Variants in ALOX12 observed in about 807,000 individuals in gnomAD.
The protein encoded by ALOX12 is arachidonate 12-lipoxygenase, 12S type, also known as polyunsaturated fatty acid lipoxygenase ALOX12.
ALOX12 carries 62 observed loss-of-function variants against 85.5 expected under a neutral mutation model. The observed-to-expected ratio is 0.73, with a 90% confidence interval of 0.59 to 0.90. The LOEUF is 0.90. Ranked by LOEUF, ALOX12 falls within the 40% of genes least tolerant of loss-of-function variation. The probability of loss-of-function intolerance (pLI) is 0.00; values close to 1 mark genes in which losing one functional copy is unlikely to be tolerated. For synonymous variants in ALOX12, 299 were observed against 332.7 expected, an observed-to-expected ratio of 0.90 and a Z score of 1.10; for missense variants, 751 against 856.5, an observed-to-expected ratio of 0.88 and a Z score of 1.54.
rs1430247040 is a variant in ALOX12, at chr17:7,005,351, G to A, written c.1248+8G>A. Reference sequence around the variant, plus strand: ...GGAGGAATTTTTGATAAGGTGAGGAGGGTACGGGGCATGGGACTGCCTCAT... The same window carrying A: ...GGAGGAATTTTTGATAAGGTGAGGAAGGTACGGGGCATGGGACTGCCTCAT... On this transcript the variant is annotated splice_region_variant and intron_variant, in intron 9 of 13. Transcript: ENST00000251535. 1.9e-6 allele frequency: 3 copies of A among 1,606,950 alleles called. No individual in the cohort carries two copies. Among genetic ancestry groups the A allele is most frequent in the African/African-American group, 2.7e-5 (2 of 74,836 alleles).
rs1460498427 is a variant in ALOX12, at chr17:7,006,022, T to C, written c.1413T>C (p.Ile471=). 1 of 1,283,122 alleles carries C rather than the reference T, an allele frequency of 7.8e-7. No homozygotes were observed. Among genetic ancestry groups the C allele is most frequent in the Non-Finnish European group, 1.0e-6 (1 of 986,538 alleles). The allele number at this position is 1,283,122 out of a possible 1,614,324, so 79.5% of individuals were successfully genotyped here. A position where few individuals can be genotyped will look rare whatever the true frequency, so the allele number is the denominator to read the frequency against. ...ATGCTTTACGGCTCTGGGAGATCAT[T>C]GCCAGGTGAGTAAGGAGGAGCTGAG... The part of the protein sequence containing the change: ...AHDALRLWEI[I]ARYVEGIVHL... Residue 471 remains isoleucine (I), a synonymous_variant, in exon 10 of 14, where the codon ATT becomes ATC. Transcript: ENST00000251535.
chr17:7,006,781 G>A (rs1333809705), intron 11 of ALOX12, among the ~76,000 whole-genome samples, 174 bp downstream of exon 11: 2 of 151,936 alleles, frequency 1.3e-5, no homozygotes, highest in African/African-American at 2.4e-5. Context: ...GACAATTCTA[G>A]AGACCCAAGG....
intron 8 of ALOX12, chr17:7,002,315 A>G: frequency 2.8e-6 from 1 of 355,146 alleles, no homozygotes. Flanking sequence ...TAAGGTGGAT[A>G]GAGATGTATG....
chr17:6,996,133 A>T lies in ALOX12; in HGVS notation c.16A>T (p.Ile6Phe). The T allele has an allele frequency of 8.0e-7, 1 of 1,252,154 alleles. No homozygotes were observed. Among genetic ancestry groups the T allele is most frequent in the Non-Finnish European group, 1.0e-6 (1 of 991,472 alleles). The allele number at this position is 1,252,154 out of a possible 1,614,324, so 77.6% of individuals were successfully genotyped here. MGRYR[I>F]RVATGAWLFS... ...GGGGGGCGCCATGGGCCGCTACCGCATCCGCGTGGCCACCGGGGCCTGGCT... is the reference window on the plus strand; with the variant it reads ...GGGGGGCGCCATGGGCCGCTACCGCTTCCGCGTGGCCACCGGGGCCTGGCT... The change falls in exon 1 of 14, where the codon ATC becomes TTC. Residue 6 changes from isoleucine (I) to phenylalanine (F), a missense_variant. Physicochemically the swap from Ile to Phe is conservative, Grantham distance 21. Transcript: ENST00000251535.
At position 7,010,547 on chromosome 17, in the gene ALOX12, C is replaced by T. The variant is rs1052834370; in HGVS notation, c.*124C>T. 8.3e-7 allele frequency: 1 copy of T among 1,205,458 alleles called. No homozygotes were observed. Among genetic ancestry groups the T allele is most frequent in the Non-Finnish European group, 1.1e-6 (1 of 884,994 alleles). The allele number at this position is 1,205,458 out of a possible 1,614,324, so 74.7% of individuals were successfully genotyped here. ...TCTATTTCCTCCCCCAGTTAAACCC[C>T]CTACATTAGTATCCCACTAGCCCAG... On this transcript the variant is annotated 3_prime_UTR_variant, in exon 14 of 14. Coordinates refer to ENST00000251535, the MANE Select transcript of ALOX12 (RefSeq NM_000697.3).
Position 6,998,707 on chromosome 17 carries a change from A to G in ALOX12, c.420-8A>G. ...CATCCTTCCTGAAGCTTTGTCCCCA[A>G]CTCCTAGCTGGGCCACCTGGAAGGA... On this transcript the variant is annotated splice_region_variant and splice_polypyrimidine_tract_variant and intron_variant, in intron 3 of 13. Transcript: ENST00000251535. 1 of 1,613,502 alleles carries G rather than the reference A, an allele frequency of 6.2e-7. No individual in the cohort carries two copies. Among genetic ancestry groups the G allele is most frequent in the Non-Finnish European group, 8.5e-7 (1 of 1,179,854 alleles).
Position 7,010,235 on chromosome 17 carries a change from C to G in ALOX12, c.1813-9C>G. On this transcript the variant is annotated splice_polypyrimidine_tract_variant and intron_variant, in intron 13 of 13. Transcript: ENST00000251535. ...TTTAGAAACTGACTGATCCTTTGTT[C>G]TGTCTCAGGTGCCTCTGGGGCACCA... 1 of 1,611,432 alleles carries G rather than the reference C, an allele frequency of 6.2e-7. No homozygotes were observed. Among genetic ancestry groups the G allele is most frequent in the Admixed American group, 1.7e-5 (1 of 59,598 alleles).
At chr17:7,001,285 A>G (rs1329880665) in intron 7 of ALOX12, 1 of 346,576 alleles carries the variant, frequency 2.9e-6, no homozygotes, top group East Asian at 6.5e-5. Context: ...GGTGACAAGA[A>G]CTGTCAATAA....
Position 7,000,344 on chromosome 17 carries a change from CCT to C in ALOX12, c.817_818del (p.Leu273ValfsTer2), listed in dbSNP as rs1908650416. Reference sequence around the variant, plus strand: ...ATCCCTCCTGTCCCCAGAATGGTTCCCTGTTTGAAGCTGACTTCATCCTTCTG... The same window carrying C: ...ATCCCTCCTGTCCCCAGAATGGTTCCGTTTGAAGCTGACTTCATCCTTCTG... ...QLEKELQNGS[L>X]FEADFILLDG... On this transcript the variant is annotated frameshift_variant, in exon 7 of 14. Transcript: ENST00000251535. LOFTEE classifies it high-confidence loss of function. This position sits in a 1 kb window ranked among gnomAD's most constrained non-coding sequence, Gnocchi z 4.6. 2 of 1,613,978 alleles carry C rather than the reference CCT, an allele frequency of 1.2e-6. No homozygotes were observed. Among genetic ancestry groups the C allele is most frequent in the African/African-American group, 1.3e-5 (1 of 74,906 alleles).
chr17:7,005,382 T>C lies in ALOX12; in HGVS notation c.1248+39T>C, dbSNP rs2307219. On this transcript the variant is annotated intron_variant, in intron 9 of 13. Transcript: ENST00000251535. Reference sequence around the variant, plus strand: ...GGGGCATGGGACTGCCTCATCCATCTCTCCATGATCTGCCACTTTCAGGAT... The same window carrying C: ...GGGGCATGGGACTGCCTCATCCATCCCTCCATGATCTGCCACTTTCAGGAT... 363 of 1,526,918 alleles carry C rather than the reference T, an allele frequency of 2.4e-4. 4 individuals carry two copies. The South Asian group carries it at 3.9e-3, about 16-fold the overall frequency. The allele number at this position is 1,526,918 out of a possible 1,614,324, so 94.6% of individuals were successfully genotyped here. A position where few individuals can be genotyped will look rare whatever the true frequency, so the allele number is the denominator to read the frequency against.
Position 6,997,202 on chromosome 17 carries a change from A to G in ALOX12, c.337+175A>G, listed in dbSNP as rs1430857107. ...AACGGGAAGGAGTTATGAATTCCCA[A>G]AGTTTTACACAGGCTAAGAGAGGCT... On this transcript the variant is annotated intron_variant, in intron 2 of 13. Transcript: ENST00000251535. The G allele has an allele frequency of 3.2e-6, 3 of 943,378 alleles. No individual in the cohort carries two copies. The African/African-American group carries it at 5.3e-5, about 17-fold the overall frequency. 58.4% of individuals were successfully genotyped at this position (943,378 alleles called of 1,614,324 possible).
Position 7,000,702 on chromosome 17 carries a change from A to G in ALOX12, c.951+223A>G, listed in dbSNP as rs1908666885. Among the ~76,000 whole-genome samples the G allele has an allele frequency of 6.6e-6, 1 of 152,152 alleles. No individual in the cohort carries two copies. The highest frequency in any genetic ancestry group is 2.4e-5 in the African/African-American group (1 of 41,428). ...TCCTGGAGTTCTCATCCTGTATCCA[A>G]TGGTCCTCACACTTCAGTGTGCATC... On this transcript the variant is annotated intron_variant, in intron 7 of 13. Coordinates refer to ENST00000251535, the MANE Select transcript of ALOX12 (RefSeq NM_000697.3). This position sits in a 1 kb window ranked among gnomAD's most constrained non-coding sequence, Gnocchi z 4.6.
Position 7,000,413 on chromosome 17 carries a change from C to G in ALOX12, c.885C>G (p.Tyr295Ter). 1 of 1,614,158 alleles carries G rather than the reference C, an allele frequency of 6.2e-7. No homozygotes were observed. Among genetic ancestry groups the G allele is most frequent in the Non-Finnish European group, 8.5e-7 (1 of 1,180,014 alleles). Reference sequence around the variant, plus strand: ...ACGTGATCCGAGGAGAGAAGCAATACCTGGCTGCCCCCCTCGTTATGCTGA... The same window carrying G: ...ACGTGATCCGAGGAGAGAAGCAATAGCTGGCTGCCCCCCTCGTTATGCTGA... ...PANVIRGEKQ[Y>*]LAAPLVMLKM... Residue 295 changes from tyrosine to a stop codon, truncating the protein, a stop_gained, in exon 7 of 14, where the codon TAC becomes TAG. Coordinates refer to ENST00000251535, the MANE Select transcript of ALOX12 (RefSeq NM_000697.3). LOFTEE classifies it high-confidence loss of function. This position sits in a 1 kb window ranked among gnomAD's most constrained non-coding sequence, Gnocchi z 4.6.
intron 2 of ALOX12, 113 bp from the exon 3 acceptor site, chr17:6,998,396 C>A: frequency 2.8e-6 from 2 of 709,982 alleles, no homozygotes; most frequent in Middle Eastern, 3.2e-4. Flanking sequence ...GAGATAAAAG[C>A]AACAGTGCAT....
At position 7,010,592 on chromosome 17, in the gene ALOX12, T is replaced by G. The variant is rs1294735388; in HGVS notation, c.*169T>G. 1 of 787,008 alleles carries G rather than the reference T, an allele frequency of 1.3e-6. No individual in the cohort carries two copies. 48.8% of individuals were successfully genotyped at this position (787,008 alleles called of 1,614,324 possible). On this transcript the variant is annotated 3_prime_UTR_variant, in exon 14 of 14. Coordinates refer to ENST00000251535, the MANE Select transcript of ALOX12 (RefSeq NM_000697.3). ...GCCCAGGGGAGCAGTAAACTTTCTC[T>G]GCAAAGACTAGATCCTTTTTTACGC...
At chr17:6,997,071 C>A (rs1483735090) in intron 2 of ALOX12, 44 bp downstream of exon 2, 1 of 1,500,842 alleles carries the variant, frequency 6.7e-7, no homozygotes, top group Non-Finnish European at 8.9e-7. Flanking sequence ...GTCTCGGGAA[C>A]TGCTGCGGGG....
At chr17:7,005,681 G>C (rs1016214258) in intron 9 of ALOX12, among the ~76,000 whole-genome samples, 177 bp from the exon 10 acceptor site, 33 of 151,640 alleles carry the variant, frequency 2.2e-4, no homozygotes, top group Non-Finnish European at 7.4e-5. Flanking sequence ...GGGTTTCACT[G>C]TGTTGGCCAG....
Position 7,005,996 on chromosome 17 carries a change from G to A in ALOX12, c.1387G>A (p.Asp463Asn). 1 of 1,593,806 alleles carries A rather than the reference G, an allele frequency of 6.3e-7. No homozygotes were observed. Among genetic ancestry groups the A allele is most frequent in the South Asian group, 1.1e-5 (1 of 90,792 alleles). Residue 463 changes from aspartate to asparagine, a missense_variant, in exon 10 of 14, where the codon GAT (aspartate) becomes AAT (asparagine). Coordinates refer to ENST00000251535, the MANE Select transcript of ALOX12 (RefSeq NM_000697.3). ...ACTCCCAGGTGCTCTCTATGCCCAT[G>A]ATGCTTTACGGCTCTGGGAGATCAT... ...LGLPGALYAH[D>N]ALRLWEIIAR... is the part of the protein sequence containing the mutation.
chr17:6,997,085 G>A, intron 2 of ALOX12, 58 bp downstream of exon 2: 1 of 1,490,024 alleles, frequency 6.7e-7, no homozygotes, highest in African/African-American at 1.4e-5. Flanking sequence ...TGCGGGGCTA[G>A]GAGGGCAGAG....
Sources: gnomAD v4.1 joint callset for allele counts (sites outside exome capture counted in the v4.1 genomes callset) on GRCh38, gnomAD v4.1.1 for gene constraint, Gnocchi (gnomAD v3.1) non-coding constraint, MANE v1.5 for transcripts, NCBI Gene and HGNC (gene_info 2026-07-23, HGNC 2026-07-21) for gene names.